The following CLEC16A variants were observed in gnomAD, a reference collection of about 807,000 sequenced individuals.
CLEC16A encodes protein CLEC16A.
Under a neutral mutation model 109.5 loss-of-function variants are expected in CLEC16A, and 51 were observed. That is an observed-to-expected ratio of 0.47 (90% confidence interval 0.37 to 0.59). The LOEUF is 0.59. Among genes scored for constraint, CLEC16A ranks in the 20% least tolerant of loss-of-function variants. CLEC16A has a pLI of 0.00. For synonymous variants in CLEC16A, 673 were observed against 564.2 expected, an observed-to-expected ratio of 1.19 and a Z score of -2.73; for missense variants, 1,339 against 1,394.0, an observed-to-expected ratio of 0.96 and a Z score of 0.63.
intron 22 of CLEC16A, among the ~76,000 whole-genome samples, chr16:11,162,778 C>G (rs1276677135): frequency 1.2e-4 from 18 of 152,206 alleles, no homozygotes; most frequent in Admixed American, 1.0e-3. Context: ...AGTTCTTGGA[C>G]TTATCAGCTG....
intron 19 of CLEC16A, among the ~76,000 whole-genome samples, chr16:11,099,706 G>A (rs2050801322): frequency 6.6e-6 from 1 of 152,230 alleles, no homozygotes; most frequent in Admixed American, 6.5e-5. Context: ...GTCTGGAACT[G>A]AAAGCCCAGA....
intron 19 of CLEC16A, among the ~76,000 whole-genome samples, chr16:11,075,575 C>T (rs1366592324): frequency 6.6e-6 from 1 of 151,966 alleles, no homozygotes; most frequent in Non-Finnish European, 1.5e-5. Flanking sequence ...TAGCTGGGAC[C>T]ACAGGCATGT....
chr16:11,181,130 C>T lies in CLEC16A; in HGVS notation c.*2440C>T, dbSNP rs201837124. 5.9e-5 allele frequency: 9 copies of T among 152,202 alleles called. No homozygotes were observed. The highest frequency in any genetic ancestry group is 1.3e-4 in the Admixed American group (2 of 15,284). The allele number at this position is 152,202 out of a possible 1,614,324, so 9.4% of individuals were successfully genotyped here. A position where few individuals can be genotyped will look rare whatever the true frequency, so the allele number is the denominator to read the frequency against. On this transcript the variant is annotated 3_prime_UTR_variant, in exon 24 of 24. Coordinates refer to ENST00000409790, the MANE Select transcript of CLEC16A (RefSeq NM_015226.3). ...TGCTTATGTAAGGAGGTCTGGGAGC[C>T]AGCCCATTGGAGGCCACCAGCCATT...
intron 13 of CLEC16A, chr16:11,027,226 A>G: frequency 1.4e-6 from 2 of 1,481,454 alleles, no homozygotes; most frequent in Non-Finnish European, 9.3e-7. Flanking sequence ...GACAAGGTGC[A>G]TCTCAGACGA....
intron 22 of CLEC16A, among the ~76,000 whole-genome samples, chr16:11,150,761 G>A (rs899237676): frequency 1.3e-5 from 2 of 152,218 alleles, no homozygotes; most frequent in Admixed American, 6.5e-5. Flanking sequence ...CTGGAGGGTA[G>A]AAGTGCAAAA....
At chr16:11,124,884 C>G (rs912048063) in intron 21 of CLEC16A, among the ~76,000 whole-genome samples, 1 of 152,098 alleles carries the variant, frequency 6.6e-6, no homozygotes, top group Non-Finnish European at 1.5e-5. Flanking sequence ...CCCAGGAATT[C>G]GAGGCCAGCC....
intron 8 of CLEC16A, among the ~76,000 whole-genome samples, chr16:10,979,025 C>G (rs1012782548): frequency 5.9e-5 from 9 of 152,072 alleles, no homozygotes; most frequent in Non-Finnish European, 7.4e-5. Flanking sequence ...TCCAGTGCCC[C>G]AGCTGGTACA....
chr16:11,105,917 A>C (rs1420908137), intron 19 of CLEC16A, among the ~76,000 whole-genome samples: 1 of 152,212 alleles, frequency 6.6e-6, no homozygotes, highest in East Asian at 1.9e-4. Context: ...AGACATGAAG[A>C]TTCTGCAGAG....
At chr16:10,979,238 G>A in intron 8 of CLEC16A, 91 bp from the exon 9 acceptor site, 2 of 1,210,684 alleles carry the variant, frequency 1.7e-6, no homozygotes, top group South Asian at 1.3e-5. Flanking sequence ...GGACGCCTTT[G>A]TTCACACAGA....
intron 23 of CLEC16A, among the ~76,000 whole-genome samples, chr16:11,170,602 C>T (rs555222188): frequency 1.3e-5 from 2 of 152,328 alleles, no homozygotes; most frequent in African/African-American, 4.8e-5. Flanking sequence ...ATCTCTCCAC[C>T]CGCCCGGCCC....
intron 17 of CLEC16A, among the ~76,000 whole-genome samples, 157 bp from the exon 18 acceptor site, chr16:11,051,356 C>A (rs1046578277): frequency 6.6e-6 from 1 of 152,198 alleles, no homozygotes; most frequent in Non-Finnish European, 1.5e-5. Context: ...TATCTGGCTG[C>A]CTCTGTGCTT....
intron 1 of CLEC16A, among the ~76,000 whole-genome samples, chr16:10,947,262 C>A (rs574078053): frequency 6.6e-6 from 1 of 152,340 alleles, no homozygotes; most frequent in African/African-American, 2.4e-5. Context: ...CCAGTGCCCA[C>A]CCTGGGGCTT....
intron 11 of CLEC16A, among the ~76,000 whole-genome samples, chr16:11,013,944 AAAG>A (rs554993853): frequency 3.6e-4 from 54 of 151,576 alleles, no homozygotes; most frequent in Middle Eastern, 3.4e-3. Context: ...GTCTCAAAAA[AAAG>A]AAGAAGAAGA....
chr16:11,134,101 C>T (rs535005139), intron 22 of CLEC16A, among the ~76,000 whole-genome samples: 4 of 152,228 alleles, frequency 2.6e-5, no homozygotes, highest in African/African-American at 9.6e-5. Flanking sequence ...CAGATACCCT[C>T]CCTCCAGCGT....
At position 11,178,275 on chromosome 16, in the gene CLEC16A, GCAGTGCGACGGGGTGTCTCAAGGGCT is replaced by G. The variant is rs2141054756; in HGVS notation, c.2807-54_2807-29del. The G allele has an allele frequency of 1.4e-6, 2 of 1,447,976 alleles. No homozygotes were observed. Among genetic ancestry groups the G allele is most frequent in the Admixed American group, 1.8e-5 (1 of 56,170 alleles). The allele number at this position is 1,447,976 out of a possible 1,614,324, so 89.7% of individuals were successfully genotyped here. ...GCGGTTCAGGATGGGAGCACAGGGC[GCAGTGCGACGGGGTGTCTCAAGGGCT>G]CAGTGTGTTTCCGGTTTTTCTCCCC... On this transcript the variant is annotated intron_variant, in intron 23 of 23. Coordinates refer to ENST00000409790, the MANE Select transcript of CLEC16A (RefSeq NM_015226.3). This position sits in a 1 kb window ranked among gnomAD's most constrained non-coding sequence, Gnocchi z 6.5.
At chr16:10,995,236 T>C (rs2044258094) in intron 10 of CLEC16A, among the ~76,000 whole-genome samples, 1 of 152,202 alleles carries the variant, frequency 6.6e-6, no homozygotes. Context: ...GCTAATATGA[T>C]GCCCATTGAT....
chr16:11,012,618 A>AAG (rs2045500805), intron 11 of CLEC16A, among the ~76,000 whole-genome samples: 1 of 149,450 alleles, frequency 6.7e-6, no homozygotes, highest in African/African-American at 2.5e-5. Context: ...AAAAAAAAAA[A>AAG]AAAGAAAGAT....
chr16:11,129,680 T>G (rs8050875), intron 22 of CLEC16A, among the ~76,000 whole-genome samples: 1 of 151,776 alleles, frequency 6.6e-6, no homozygotes, highest in Non-Finnish European at 1.5e-5. Flanking sequence ...CAGGCTTAGT[T>G]TGTGTGCCGC....
At chr16:11,108,948 A>G (rs2051388621) in intron 19 of CLEC16A, among the ~76,000 whole-genome samples, 1 of 151,796 alleles carries the variant, frequency 6.6e-6, no homozygotes, top group Non-Finnish European at 1.5e-5. Context: ...ATCTCTACTA[A>G]AAATACAAAC....
Sources: allele counts gnomAD v4.1 joint callset (sites outside exome capture counted in the v4.1 genomes callset), GRCh38; gene constraint gnomAD v4.1.1; non-coding constraint Gnocchi (gnomAD v3.1); transcripts MANE v1.5; gene names NCBI Gene and HGNC (gene_info 2026-07-23, HGNC 2026-07-21).